SNX16: variants seen among roughly 807,000 people sequenced by gnomAD.
The protein encoded by SNX16 is sorting nexin 16.
SNX16 carries 35 observed loss-of-function variants against 36.7 expected under a neutral mutation model. The observed-to-expected ratio is 0.95, with a 90% CI of 0.73 to 1.27. SNX16 has a LOEUF of 1.27. SNX16 is among the 50% of genes most tolerant of loss of function. SNX16 has a pLI of 0.00. For missense variants in SNX16, 367 were observed against 393.6 expected (o/e 0.93, Z 0.57); for synonymous variants, 134 against 132.0 (o/e 1.02, Z -0.10).
chr8:81,810,000 G>C (rs1810159223), intron 5 of SNX16, among the ~76,000 whole-genome samples: 1 of 152,098 alleles, frequency 6.6e-6, no homozygotes. Context: ...CATCAGGACA[G>C]GAAAATCTGC....
intron 5 of SNX16, among the ~76,000 whole-genome samples, chr8:81,806,967 A>G (rs1464667951): frequency 6.6e-6 from 1 of 152,022 alleles, no homozygotes; most frequent in Non-Finnish European, 1.5e-5. Context: ...AAAACCCTCC[A>G]TATGCAAAGA....
intron 5 of SNX16, among the ~76,000 whole-genome samples, chr8:81,812,987 A>G (rs1810330164): frequency 6.6e-6 from 1 of 152,074 alleles, no homozygotes; most frequent in African/African-American, 2.4e-5. Flanking sequence ...CAGAAGAATC[A>G]AAATGGCATA....
intron 2 of SNX16, among the ~76,000 whole-genome samples, chr8:81,834,458 A>G (rs1319756127): frequency 6.6e-6 from 1 of 152,176 alleles, no homozygotes; most frequent in Non-Finnish European, 1.5e-5. Context: ...AACTCATTTC[A>G]GCATTAACTC....
At chr8:81,808,353 G>C in intron 5 of SNX16, 1 of 1,299,526 alleles carries the variant, frequency 7.7e-7, no homozygotes, top group South Asian at 1.2e-5. Context: ...CAGGCAAAGA[G>C]GTCGAAGTGG....
chr8:81,840,109 G>C, intron 1 of SNX16, 27 bp from the exon 2 acceptor site: 2 of 1,159,346 alleles, frequency 1.7e-6, no homozygotes, highest in South Asian at 1.7e-5. Flanking sequence ...CATATTAAAA[G>C]GTTAGTCTTT....
intron 5 of SNX16, chr8:81,815,111 T>C (rs999041206): frequency 3.5e-6 from 1 of 283,382 alleles, no homozygotes; most frequent in Non-Finnish European, 6.7e-6. Context: ...TTATTGACTA[T>C]AAGACATATA....
chr8:81,822,643 G>C (rs1586002282), intron 4 of SNX16, among the ~76,000 whole-genome samples: 1 of 152,072 alleles, frequency 6.6e-6, no homozygotes, highest in East Asian at 1.9e-4. Flanking sequence ...GAAATGTTAA[G>C]GGTAGTGAAG....
At chr8:81,825,267 G>A (rs1359426336) in intron 3 of SNX16, among the ~76,000 whole-genome samples, 3 of 152,132 alleles carry the variant, frequency 2.0e-5, no homozygotes, top group Middle Eastern at 3.2e-3. Context: ...GCCACTTTTA[G>A]AAAAGACAAA....
chr8:81,839,967 G>A lies in SNX16; in HGVS notation c.20C>T (p.Pro7Leu), dbSNP rs1811667077. The change falls in exon 2 of 8, where the codon CCA (proline) becomes CTA (leucine). Residue 7 changes from proline (P) to leucine (L), a missense_variant. Coordinates refer to ENST00000345957, the MANE Select transcript of SNX16 (RefSeq NM_152836.3). ...AGAGTTTCCTATGGGCATAGGAACTGGGACATAAGGAGTTGCCATCTTCTT... is the reference window on the plus strand; with the variant it reads ...AGAGTTTCCTATGGGCATAGGAACTAGGACATAAGGAGTTGCCATCTTCTT... MATPYVPVPMPIGNSAS... is the reference protein window; with the variant it reads MATPYVLVPMPIGNSAS... The A allele has an allele frequency of 6.2e-7, 1 of 1,607,804 alleles. No individual in the cohort carries two copies. Among genetic ancestry groups the A allele is most frequent in the Non-Finnish European group, 8.5e-7 (1 of 1,177,196 alleles).
intron 5 of SNX16, among the ~76,000 whole-genome samples, chr8:81,804,535 T>C (rs900131210): frequency 6.6e-6 from 1 of 150,622 alleles, no homozygotes; most frequent in Non-Finnish European, 1.5e-5. Context: ...TTAAATAACA[T>C]GAAAAGAAAG....
At chr8:81,829,097 A>AAT (rs1253768988) in intron 3 of SNX16, among the ~76,000 whole-genome samples, 1 of 152,172 alleles carries the variant, frequency 6.6e-6, no homozygotes, top group Non-Finnish European at 1.5e-5. Flanking sequence ...AGTTTGTGGT[A>AAT]ATTTATTATG....
intron 2 of SNX16, among the ~76,000 whole-genome samples, chr8:81,836,598 C>A (rs528220482): frequency 3.9e-5 from 6 of 152,140 alleles, no homozygotes; most frequent in Non-Finnish European, 7.4e-5. Context: ...ACTTCCAAAT[C>A]ATTAGGAAAT....
rs189058855 is a variant in SNX16, at chr8:81,801,169, C to A, written c.*328G>T. 2.6e-3 allele frequency: 457 copies of A among 174,890 alleles called. 2 individuals carry two copies. The highest frequency in any genetic ancestry group is 0.01 in the African/African-American group (440 of 42,424). The allele number at this position is 174,890 out of a possible 1,614,324, so 10.8% of individuals were successfully genotyped here. A position where few individuals can be genotyped will look rare whatever the true frequency, so the allele number is the denominator to read the frequency against. ...TATAATTGGTGATTTAACACACATA[C>A]ATATATACACAGTAGTTTGGAGCAA... On this transcript the variant is annotated 3_prime_UTR_variant, in exon 8 of 8. Coordinates refer to ENST00000345957, the MANE Select transcript of SNX16 (RefSeq NM_152836.3).
intron 4 of SNX16, among the ~76,000 whole-genome samples, chr8:81,821,701 A>AT (rs919780747): frequency 6.7e-5 from 10 of 149,556 alleles, no homozygotes; most frequent in East Asian, 2.0e-4. Context: ...ATTGGCTTCA[A>AT]TTTTTTTTTT....
intron 7 of SNX16, 106 bp downstream of exon 7, chr8:81,802,274 G>A (rs1809734338): frequency 6.9e-6 from 5 of 729,916 alleles, no homozygotes; most frequent in Non-Finnish European, 9.8e-6. Context: ...TAGCAGATTC[G>A]TGATACAGTA....
chr8:81,806,707 ATATTACG>A (rs756392690), intron 5 of SNX16, among the ~76,000 whole-genome samples: 32 of 152,186 alleles, frequency 2.1e-4, no homozygotes, highest in Non-Finnish European at 2.9e-4. Flanking sequence ...GAAATGAAAG[ATATTACG>A]TATTAGGAAA....
intron 4 of SNX16, among the ~76,000 whole-genome samples, chr8:81,822,922 ATGTG>A (rs1479652076): frequency 8.6e-5 from 6 of 69,392 alleles, no homozygotes; most frequent in Admixed American, 2.6e-4. Flanking sequence ...GAAAAGCAAG[ATGTG>A]TATATATATA....
At position 81,830,443 on chromosome 8, in the gene SNX16, C is replaced by T. The variant is rs60914880; in HGVS notation, c.376-927G>A. On this transcript the variant is annotated intron_variant, in intron 2 of 7. Coordinates refer to ENST00000345957, the MANE Select transcript of SNX16 (RefSeq NM_152836.3). ...AAAATTAGCCGGGCACGGTGGCAGG[C>T]GCCTGTAGTCCCAGTTACTTGGGAG... 8.2e-3 allele frequency among the ~76,000 whole-genome samples: 1,243 copies of T among 151,824 alleles called. 12 individuals are homozygous for T. The highest frequency in any genetic ancestry group is 0.026 in the African/African-American group (1,081 of 41,396).
intron 6 of SNX16, 149 bp downstream of exon 6, chr8:81,802,943 A>C (rs1291378966): frequency 3.2e-6 from 2 of 634,008 alleles, no homozygotes; most frequent in East Asian, 3.3e-5. Context: ...TATGCTAAAT[A>C]AAGCATAATT....
Sources: allele counts gnomAD v4.1 joint callset (sites outside exome capture counted in the v4.1 genomes callset), GRCh38; gene constraint gnomAD v4.1.1; transcripts MANE v1.5; gene names NCBI Gene and HGNC (gene_info 2026-07-23, HGNC 2026-07-21).